Variants in TC2N observed in about 807,000 individuals in gnomAD.
TC2N encodes the protein tandem C2 domains nuclear protein.
TC2N carries 51 observed loss-of-function variants against 61.9 expected under a neutral mutation model. That is an observed-to-expected ratio of 0.82 (90% confidence interval 0.66 to 1.04). TC2N has a LOEUF of 1.04. TC2N is among the 50% of genes least tolerant of loss of function. The probability of loss-of-function intolerance (pLI) is 0.00; values close to 1 mark genes in which losing one functional copy is unlikely to be tolerated. For synonymous variants in TC2N, 204 were observed against 192.6 expected, an observed-to-expected ratio of 1.06 and a Z score of -0.49; for missense variants, 556 against 566.7, an observed-to-expected ratio of 0.98 and a Z score of 0.19.
rs200567270 is a variant in TC2N, at chr14:91,846,128, GC to G, written c.-57+21133del. On this transcript the variant is annotated intron_variant, in intron 1 of 11. Coordinates refer to ENST00000435962, the MANE Select transcript of TC2N (RefSeq NM_001128596.3). ...CTGAAATCCAACAGATAGACGCTCA[GC>G]TTTTTCTCTCCTTTCTTTCATAAGA... 7.4e-3 allele frequency among the ~76,000 whole-genome samples: 1,120 copies of G among 152,242 alleles called. 13 individuals carry two copies. The highest frequency in any genetic ancestry group is 0.024 in the African/African-American group (988 of 41,542).
intron 9 of TC2N, among the ~76,000 whole-genome samples, chr14:91,789,689 A>G (rs1885553883): frequency 6.6e-6 from 1 of 152,096 alleles, no homozygotes; most frequent in Admixed American, 6.5e-5. Context: ...AGGTTATTTC[A>G]CAAATTCAAT....
intron 3 of TC2N, among the ~76,000 whole-genome samples, chr14:91,809,651 G>A (rs1270980676): frequency 3.3e-5 from 5 of 152,094 alleles, no homozygotes. Context: ...ATCAAAGTTG[G>A]CAACACGCAG....
At chr14:91,802,996 G>A (rs938999924) in intron 3 of TC2N, among the ~76,000 whole-genome samples, 3 of 151,966 alleles carry the variant, frequency 2.0e-5, no homozygotes, top group Non-Finnish European at 4.4e-5. Flanking sequence ...TGAAAGATTC[G>A]CTCTACTGGG....
intron 9 of TC2N, among the ~76,000 whole-genome samples, chr14:91,789,662 C>T (rs1189832059): frequency 6.6e-6 from 1 of 151,126 alleles, no homozygotes; most frequent in South Asian, 2.1e-4. Context: ...AATAGGCTTA[C>T]CATTTCCTAC....
intron 1 of TC2N, among the ~76,000 whole-genome samples, chr14:91,827,097 C>G (rs1366698254): frequency 6.6e-6 from 1 of 152,116 alleles, no homozygotes; most frequent in African/African-American, 2.4e-5. Context: ...TGAATTTAAA[C>G]CTATATTTTA....
rs1338461897 is a variant in TC2N at position 91,780,980 on chromosome 14, ATTGTT to A, written c.*2115_*2119del. 1 of 151,556 alleles carries A rather than the reference ATTGTT, an allele frequency of 6.6e-6. No homozygotes were observed. The highest frequency in any genetic ancestry group is 1.5e-5 in the Non-Finnish European group (1 of 67,966). 9.4% of individuals were successfully genotyped at this position (151,556 alleles called of 1,614,324 possible). On this transcript the variant is annotated 3_prime_UTR_variant, in exon 12 of 12. Transcript: ENST00000435962. ...TTTTAAATGTAAGGGTTTTCTTTTT[ATTGTT>A]TTATTTACCTAGGATTCTAAGAAAC...
At chr14:91,835,088 G>A (rs1887945844) in intron 1 of TC2N, among the ~76,000 whole-genome samples, 2 of 152,134 alleles carry the variant, frequency 1.3e-5, no homozygotes, top group African/African-American at 2.4e-5. Flanking sequence ...AGTTTTATTC[G>A]TAAATGCACA....
rs751128627 is a variant in TC2N, at chr14:91,813,728, G to C, written c.42C>G (p.Phe14Leu). 2 of 1,608,938 alleles carry C rather than the reference G, an allele frequency of 1.2e-6. No individual in the cohort carries two copies. The highest frequency in any genetic ancestry group is 1.7e-6 in the Non-Finnish European group (2 of 1,176,644). The change falls in exon 2 of 12, where the codon TTC becomes TTG. Residue 14 changes from phenylalanine to leucine, a missense_variant. By Grantham distance (22) the Phe-to-Leu change is conservative. Transcript: ENST00000435962. ...AGTTGTGTTTTTCTGTTTCACCATA[G>C]AAACATCCTCCACAGCAACTCTTTA... is the stretch of plus-strand genomic sequence containing the variant. ...EFIKSCCGGC[F>L]YGETEKHNFS...
intron 1 of TC2N, among the ~76,000 whole-genome samples, chr14:91,858,786 C>T (rs771246404): frequency 9.9e-5 from 15 of 152,130 alleles, no homozygotes; most frequent in South Asian, 2.1e-4. Flanking sequence ...TGACCCCCTG[C>T]GAGTGGATGA....
At chr14:91,826,687 T>G (rs1887515102) in intron 1 of TC2N, among the ~76,000 whole-genome samples, 1 of 152,152 alleles carries the variant, frequency 6.6e-6, no homozygotes. Context: ...AGTATGTAGT[T>G]AGATTGTGTT....
chr14:91,784,687 A>G (rs1157278839), intron 11 of TC2N, among the ~76,000 whole-genome samples: 1 of 152,184 alleles, frequency 6.6e-6, no homozygotes, highest in Non-Finnish European at 1.5e-5. Flanking sequence ...TAATCCAGAC[A>G]GTAGTATTAA....
intron 1 of TC2N, among the ~76,000 whole-genome samples, chr14:91,862,593 T>G (rs548377530): frequency 6.6e-6 from 1 of 152,328 alleles, no homozygotes; most frequent in African/African-American, 2.4e-5. Context: ...CTCCTGCTGC[T>G]GCAGATCAAG....
At chr14:91,856,486 CAAAAA>C (rs3030738) in intron 1 of TC2N, among the ~76,000 whole-genome samples, 3 of 117,008 alleles carry the variant, frequency 2.6e-5, no homozygotes, top group Admixed American at 1.8e-4. Flanking sequence ...GACCTTGTCT[CAAAAA>C]AAAAAAAAAA....
At chr14:91,844,599 TAAAAATATA>T (rs1443774891) in intron 1 of TC2N, among the ~76,000 whole-genome samples, 1 of 149,590 alleles carries the variant, frequency 6.7e-6, no homozygotes, top group Non-Finnish European at 1.5e-5. Flanking sequence ...CCGTCTCTAC[TAAAAATATA>T]AAAATTAGCT....
chr14:91,860,182 C>T (rs1047877500), intron 1 of TC2N, among the ~76,000 whole-genome samples: 28 of 152,140 alleles, frequency 1.8e-4, no homozygotes, highest in African/African-American at 5.8e-4. Context: ...GATGATGTGT[C>T]TTCCCTAATT....
intron 4 of TC2N, among the ~76,000 whole-genome samples, chr14:91,802,007 T>G (rs1010601402): frequency 6.6e-6 from 1 of 152,124 alleles, no homozygotes; most frequent in Non-Finnish European, 1.5e-5. Flanking sequence ...GAACCAAAGC[T>G]TCTTTCAAAA....
In TC2N at chr14:91,815,626, A is replaced by G. The variant is rs192329119; in HGVS notation, c.-56-1801T>C. 5.2e-4 allele frequency among the ~76,000 whole-genome samples: 79 copies of G among 151,780 alleles called. 1 individual carries two copies. Among genetic ancestry groups the G allele is most frequent in the Non-Finnish European group, 1.3e-4 (9 of 67,602 alleles). ...AGGTTTTAAACATATGCGAAGAAGT[A>G]TAACAAAACCCTAATCACTCAGATT... is the stretch of plus-strand genomic sequence containing the variant. On this transcript the variant is annotated intron_variant, in intron 1 of 11. Coordinates refer to ENST00000435962, the MANE Select transcript of TC2N (RefSeq NM_001128596.3).
intron 1 of TC2N, among the ~76,000 whole-genome samples, chr14:91,857,990 G>T (rs1888515057): frequency 6.6e-6 from 1 of 151,778 alleles, no homozygotes; most frequent in Admixed American, 6.6e-5. Flanking sequence ...TTTTGAGATA[G>T]GGTATTACTC....
rs143905545 is a variant in TC2N, at chr14:91,792,438, T to C, written c.976A>G (p.Met326Val). The C allele has an allele frequency of 1.2e-5, 19 of 1,611,210 alleles. No homozygotes were observed. Among genetic ancestry groups the C allele is most frequent in the African/African-American group, 8.0e-5 (6 of 74,904 alleles). ...TGTGTGCTAAGGGTTCTGAGTGACATTGAGCATTCTCCAATGGTTTTCTTC... is the reference window on the plus strand; with the variant it reads ...TGTGTGCTAAGGGTTCTGAGTGACACTGAGCATTCTCCAATGGTTTTCTTC... ...PRKKTIGECS[M>V]SLRTLSTQEM... Residue 326 changes from methionine to valine, a missense_variant, in exon 9 of 12, where the codon ATG (methionine) becomes GTG (valine). Physicochemically the swap from Met to Val is conservative, Grantham distance 21. Coordinates refer to ENST00000435962, the MANE Select transcript of TC2N (RefSeq NM_001128596.3).
Sources: allele counts gnomAD v4.1 joint callset (sites outside exome capture counted in the v4.1 genomes callset), GRCh38; gene constraint gnomAD v4.1.1; transcripts MANE v1.5; gene names NCBI Gene and HGNC (gene_info 2026-07-23, HGNC 2026-07-21).